PCDH9: variants seen among roughly 807,000 people sequenced by gnomAD.
PCDH9 encodes protocadherin-9.
In PCDH9, 24 loss-of-function variants were observed where a neutral mutation model predicts 70.6. That is an observed-to-expected ratio of 0.34 (90% CI 0.25 to 0.48). The LOEUF is 0.48. Ranked by LOEUF, PCDH9 falls within the 20% of genes least tolerant of loss-of-function variation. PCDH9 has a pLI of 0.99. For synonymous variants in PCDH9, 562 were observed against 558.5 expected, an observed-to-expected ratio of 1.01 and a Z score of -0.09; for missense variants, 1,281 against 1,503.6, an observed-to-expected ratio of 0.85 and a Z score of 2.45.
At chr13:66,873,014 G>A (rs1321664246) in intron 3 of PCDH9, among the ~76,000 whole-genome samples, 5 of 152,090 alleles carry the variant, frequency 3.3e-5, no homozygotes, top group South Asian at 2.1e-4. Flanking sequence ...TAAAACTTGA[G>A]TTCTAATATC....
At chr13:66,901,141 T>C (rs2082270642) in intron 3 of PCDH9, among the ~76,000 whole-genome samples, 1 of 151,760 alleles carries the variant, frequency 6.6e-6, no homozygotes, top group African/African-American at 2.4e-5. Flanking sequence ...TGACATCACT[T>C]ATCTGTTTTC....
At chr13:66,848,688 G>T (rs1448119205) in intron 3 of PCDH9, among the ~76,000 whole-genome samples, 4 of 151,974 alleles carry the variant, frequency 2.6e-5, no homozygotes, top group Non-Finnish European at 5.9e-5. Context: ...CAGCACTCTG[G>T]GAGGCTGAGG....
chr13:66,428,290 T>C (rs963423902), intron 4 of PCDH9, among the ~76,000 whole-genome samples: 4 of 151,770 alleles, frequency 2.6e-5, no homozygotes, highest in Non-Finnish European at 5.9e-5. Flanking sequence ...AACTCTCAGA[T>C]AAGTAAAAAC....
intron 4 of PCDH9, among the ~76,000 whole-genome samples, chr13:66,587,125 G>A (rs1044969548): frequency 6.6e-6 from 1 of 151,902 alleles, no homozygotes; most frequent in African/African-American, 2.4e-5. Flanking sequence ...GTGAGACCTT[G>A]TCTCTACAAA....
rs2081614417 is a variant in PCDH9, at chr13:66,868,515, G to A, written c.3138+34989C>T. ...AATATTTGAGGAACATCAACCATGT[G>A]CAAAAAAATATTAAGAACTGAGAAA... is the stretch of plus-strand genomic sequence containing the variant. On this transcript the variant is annotated intron_variant, in intron 3 of 4. Coordinates refer to ENST00000377865, the MANE Select transcript of PCDH9 (RefSeq NM_203487.3). Among the ~76,000 whole-genome samples the A allele has an allele frequency of 1.3e-5, 2 of 150,858 alleles. 1 individual carries two copies. The highest frequency in any genetic ancestry group is 4.1e-4 in the South Asian group (2 of 4,822).
At chr13:66,920,527 C>A (rs1278760177) in intron 2 of PCDH9, among the ~76,000 whole-genome samples, 1 of 150,968 alleles carries the variant, frequency 6.6e-6, no homozygotes, top group Non-Finnish European at 1.5e-5. Flanking sequence ...CCTTCCCCAC[C>A]AGAGTGAATG....
At chr13:66,926,880 A>G (rs890275982) in intron 2 of PCDH9, among the ~76,000 whole-genome samples, 7 of 152,086 alleles carry the variant, frequency 4.6e-5, no homozygotes, top group African/African-American at 1.7e-4. Flanking sequence ...TGACATAAAG[A>G]GTTTTATCAG....
chr13:66,669,950 T>G (rs2078148954), intron 3 of PCDH9, among the ~76,000 whole-genome samples: 1 of 152,202 alleles, frequency 6.6e-6, no homozygotes, highest in African/African-American at 2.4e-5. Flanking sequence ...TTTGTTTTTT[T>G]GTAAATGAGG....
intron 4 of PCDH9, among the ~76,000 whole-genome samples, chr13:66,521,658 G>A (rs1959993120): frequency 6.6e-6 from 1 of 152,106 alleles, no homozygotes; most frequent in African/African-American, 2.4e-5. Flanking sequence ...TATACACAGA[G>A]AGGCTTGGTT....
chr13:66,407,211 CG>C (rs1957294800), intron 4 of PCDH9, among the ~76,000 whole-genome samples: 1 of 152,084 alleles, frequency 6.6e-6, no homozygotes, highest in Non-Finnish European at 1.5e-5. Context: ...AACAAAGCAA[CG>C]AAAAAGGCAG....
intron 3 of PCDH9, among the ~76,000 whole-genome samples, chr13:66,810,424 G>A (rs9540920): frequency 0.59 from 89,327 of 151,676 alleles, 26,416 homozygotes; most frequent in East Asian, 0.66. Flanking sequence ...CAATGGATAC[G>A]TCATTTAAGT....
intron 4 of PCDH9, among the ~76,000 whole-genome samples, chr13:66,401,165 G>T (rs1308621793): frequency 2.0e-5 from 3 of 152,148 alleles, no homozygotes. Context: ...ATAGGTGGGT[G>T]ATATGGTCTG....
At chr13:67,182,032 G>T (rs748557793) in intron 2 of PCDH9, among the ~76,000 whole-genome samples, 1 of 152,122 alleles carries the variant, frequency 6.6e-6, no homozygotes, top group African/African-American at 2.4e-5. Context: ...TGTGGGCATG[G>T]CTCAAGGCTC....
chr13:66,598,357 T>G (rs2077127335), intron 4 of PCDH9, among the ~76,000 whole-genome samples: 1 of 151,820 alleles, frequency 6.6e-6, no homozygotes, highest in South Asian at 2.1e-4. Context: ...AAAGTAAATA[T>G]AGAGGATACA....
At chr13:66,767,403 T>C (rs927339867) in intron 3 of PCDH9, among the ~76,000 whole-genome samples, 3 of 152,162 alleles carry the variant, frequency 2.0e-5, no homozygotes, top group Admixed American at 2.0e-4. Flanking sequence ...AGAACAAATA[T>C]GAGTCAAGTC....
chr13:66,773,755 G>T (rs768640413), intron 3 of PCDH9, among the ~76,000 whole-genome samples: 1 of 151,572 alleles, frequency 6.6e-6, no homozygotes, highest in Non-Finnish European at 1.5e-5. Context: ...CTGAATAATT[G>T]TCCCTGGACC....
chr13:67,078,060 T>A (rs2085912910), intron 2 of PCDH9, among the ~76,000 whole-genome samples: 1 of 152,144 alleles, frequency 6.6e-6, no homozygotes, highest in East Asian at 1.9e-4. Flanking sequence ...CAAAGGAAAC[T>A]ACTTGGCATT....
chr13:66,488,193 G>C (rs543326924), intron 4 of PCDH9, among the ~76,000 whole-genome samples: 2 of 152,152 alleles, frequency 1.3e-5, no homozygotes, highest in Admixed American at 6.5e-5. Context: ...AAGAGCCGAC[G>C]CTGAAATCAA....
intron 2 of PCDH9, among the ~76,000 whole-genome samples, chr13:67,097,282 G>A (rs1032606631): frequency 4.0e-5 from 6 of 151,716 alleles, no homozygotes; most frequent in South Asian, 4.2e-4. Flanking sequence ...ATTCAAAATC[G>A]AAATAATTTA....
Sources: gnomAD v4.1 joint callset for allele counts (sites outside exome capture counted in the v4.1 genomes callset) on GRCh38, gnomAD v4.1.1 for gene constraint, MANE v1.5 for transcripts, NCBI Gene and HGNC (gene_info 2026-07-23, HGNC 2026-07-21) for gene names.